GABRA2: variants seen among roughly 807,000 people sequenced by gnomAD.
GABRA2 encodes the protein gamma-aminobutyric acid type A receptor subunit alpha2.
A neutral mutation model predicts 48.7 loss-of-function variants in GABRA2; 16 were observed. The ratio of observed to expected loss-of-function variants is 0.33; its 90% CI spans 0.22 to 0.50. GABRA2 has a LOEUF of 0.50. Among genes scored for constraint, GABRA2 ranks in the 20% least tolerant of loss-of-function variants. The probability of loss-of-function intolerance (pLI) is 0.98; values close to 1 mark genes in which losing one functional copy is unlikely to be tolerated. For synonymous variants in GABRA2, 185 were observed against 184.5 expected, an observed-to-expected ratio of 1.00 and a Z score of -0.02; for missense variants, 275 against 535.6, an observed-to-expected ratio of 0.51 and a Z score of 4.80.
At position 46,291,796 on chromosome 4, in the gene GABRA2, T is replaced by TATATATATAC. The variant is rs1292821999; in HGVS notation, c.856+11663_856+11664insGTATATATAT. 1.3e-3 allele frequency among the ~76,000 whole-genome samples: 200 copies of TATATATATAC among 150,264 alleles called. 1 individual carries two copies. The highest frequency in any genetic ancestry group is 4.4e-3 in the African/African-American group (182 of 41,112). ...ACACACATATATATATATATACATA[T>TATATATATAC]ACATATATATGTGTATATATATATC... On this transcript the variant is annotated intron_variant, in intron 8 of 9. Transcript: ENST00000381620.
At chr4:46,294,797 T>G (rs929760895) in intron 8 of GABRA2, among the ~76,000 whole-genome samples, 2 of 152,188 alleles carry the variant, frequency 1.3e-5, no homozygotes, top group Non-Finnish European at 1.5e-5. Context: ...TGGTAGAACA[T>G]GAACATTCGA....
rs553700538 is a variant in GABRA2 at position 46,249,423 on chromosome 4, A to G, written c.*885T>C. 3 of 151,392 alleles carry G rather than the reference A, an allele frequency of 2.0e-5. No homozygotes were observed. The highest frequency in any genetic ancestry group is 2.4e-5 in the African/African-American group (1 of 41,406). 9.4% of individuals were successfully genotyped at this position (151,392 alleles called of 1,614,324 possible). ...CTCATCAGTGGGAGTTTTTGGCACA[A>G]TTTTCTAATCCAATATGCATGTTGC... is the stretch of plus-strand genomic sequence containing the variant. On this transcript the variant is annotated 3_prime_UTR_variant, in exon 10 of 10. Coordinates refer to ENST00000381620, the MANE Select transcript of GABRA2 (RefSeq NM_000807.4).
chr4:46,337,395 A>G (rs1354258072), intron 3 of GABRA2, among the ~76,000 whole-genome samples: 1 of 152,086 alleles, frequency 6.6e-6, no homozygotes, highest in Non-Finnish European at 1.5e-5. Context: ...GTTAACATGT[A>G]TATACAGAGG....
intron 4 of GABRA2, among the ~76,000 whole-genome samples, chr4:46,316,959 A>G (rs1378928541): frequency 6.6e-6 from 1 of 151,902 alleles, no homozygotes; most frequent in African/African-American, 2.4e-5. Flanking sequence ...CCATTGGCTA[A>G]AGCAATTTAC....
chr4:46,303,253 T>G, intron 8 of GABRA2: 1 of 531,604 alleles, frequency 1.9e-6, no homozygotes, highest in Non-Finnish European at 3.3e-6. Context: ...TTTAAGAATA[T>G]TTGAGTACTT....
Position 46,312,576 on chromosome 4 carries a change from T to C in GABRA2, c.396A>G (p.Lys132=), listed in dbSNP as rs279858. ...TTGTCATATTATGAGCTACTGATTT[T>C]TTCCCATTGTGAAAAAAGGTATCTG... ...WTPDTFFHNG[K]KSVAHNMTMP... Residue 132 remains lysine, a synonymous_variant, in exon 5 of 10, where the codon AAA becomes AAG. Coordinates refer to ENST00000381620, the MANE Select transcript of GABRA2 (RefSeq NM_000807.4). 671,225 of 1,595,942 alleles carry C rather than the reference T, an allele frequency of 0.42. 145,514 individuals carry two copies. The highest frequency in any genetic ancestry group is 0.49 in the East Asian group (21,730 of 44,290).
intron 4 of GABRA2, among the ~76,000 whole-genome samples, chr4:46,323,778 T>C (rs1578049697): frequency 6.8e-6 from 1 of 147,304 alleles, no homozygotes; most frequent in African/African-American, 2.5e-5. Context: ...AGCACAGGGA[T>C]AAAGAGGACT....
At chr4:46,374,605 C>T (rs1715407747) in intron 3 of GABRA2, among the ~76,000 whole-genome samples, 1 of 152,066 alleles carries the variant, frequency 6.6e-6, no homozygotes, top group South Asian at 2.1e-4. Flanking sequence ...TATCGAAATA[C>T]TCATGTATTT....
chr4:46,349,659 C>T (rs999388385), intron 3 of GABRA2, among the ~76,000 whole-genome samples: 8 of 151,908 alleles, frequency 5.3e-5, no homozygotes, highest in African/African-American at 1.4e-4. Context: ...TAGTACAAAC[C>T]CTTGCTATCT....
chr4:46,346,870 T>C (rs976770778), intron 3 of GABRA2, among the ~76,000 whole-genome samples: 3 of 151,790 alleles, frequency 2.0e-5, no homozygotes, highest in African/African-American at 7.2e-5. Flanking sequence ...ACTGACAATA[T>C]ATAGAATGCC....
chr4:46,272,889 G>A (rs1719606873), intron 8 of GABRA2, among the ~76,000 whole-genome samples: 1 of 151,936 alleles, frequency 6.6e-6, no homozygotes, highest in Admixed American at 6.6e-5. Context: ...ACTTTCAAGA[G>A]CAATGGGAAA....
chr4:46,273,520 T>TATATATATATGC (rs1719881213), intron 8 of GABRA2, among the ~76,000 whole-genome samples: 1 of 38,980 alleles, frequency 2.6e-5, no homozygotes, highest in Non-Finnish European at 5.6e-5. Flanking sequence ...TATATATATA[T>TATATATATATGC]ATATATATAT....
intron 8 of GABRA2, among the ~76,000 whole-genome samples, chr4:46,296,164 T>C (rs1382183278): frequency 6.6e-6 from 1 of 152,162 alleles, no homozygotes; most frequent in African/African-American, 2.4e-5. Flanking sequence ...TCATATATGA[T>C]ACTGTTTTGC....
chr4:46,343,691 T>C (rs1009525971), intron 3 of GABRA2, among the ~76,000 whole-genome samples: 1 of 152,024 alleles, frequency 6.6e-6, no homozygotes, highest in East Asian at 1.9e-4. Flanking sequence ...CTGTATAATA[T>C]GTATAACTCA....
chr4:46,321,213 G>A (rs916680537), intron 4 of GABRA2, among the ~76,000 whole-genome samples: 8 of 151,852 alleles, frequency 5.3e-5, no homozygotes, highest in Admixed American at 4.6e-4. Context: ...AGAATAAAAT[G>A]TTGGCAGTTA....
intron 3 of GABRA2, among the ~76,000 whole-genome samples, chr4:46,378,773 G>A (rs961358293): frequency 8.6e-5 from 13 of 151,936 alleles, no homozygotes; most frequent in Admixed American, 7.9e-4. Flanking sequence ...GCCACAGTGG[G>A]CTGAGATTGA....
intron 2 of GABRA2, 27 bp from the exon 3 acceptor site, chr4:46,386,216 A>G: frequency 1.5e-6 from 2 of 1,352,216 alleles, no homozygotes; most frequent in African/African-American, 2.9e-5. Flanking sequence ...AAAAGCTGAT[A>G]TATATACATA....
At chr4:46,258,828 T>A (rs1716378223) in intron 9 of GABRA2, among the ~76,000 whole-genome samples, 1 of 151,854 alleles carries the variant, frequency 6.6e-6, no homozygotes. Context: ...TTTTCAGATC[T>A]TAAAGTATGG....
At chr4:46,363,041 C>T (rs1174589313) in intron 3 of GABRA2, among the ~76,000 whole-genome samples, 2 of 152,080 alleles carry the variant, frequency 1.3e-5, no homozygotes, top group African/African-American at 4.8e-5. Context: ...ATGTCAACAT[C>T]CTTTGAATAT....
Sources: allele counts gnomAD v4.1 joint callset (sites outside exome capture counted in the v4.1 genomes callset), GRCh38; gene constraint gnomAD v4.1.1; transcripts MANE v1.5; gene names NCBI Gene and HGNC (gene_info 2026-07-23, HGNC 2026-07-21).